PDE1C: variants seen among roughly 807,000 people sequenced by gnomAD.
PDE1C encodes phosphodiesterase 1C.
Under a neutral mutation model 93.1 loss-of-function variants are expected in PDE1C, and 62 were observed. The ratio of observed to expected loss-of-function variants is 0.67; its 90% confidence interval spans 0.54 to 0.82. The LOEUF (loss-of-function observed/expected upper bound fraction) is 0.82, where lower values mean the gene tolerates loss of function less well. PDE1C is among the 40% of genes least tolerant of loss of function. The probability of loss-of-function intolerance (pLI) is 0.00; values close to 1 mark genes in which losing one functional copy is unlikely to be tolerated. For synonymous variants in PDE1C, 325 were observed against 310.1 expected (o/e 1.05, Z -0.50); for missense variants, 742 against 884.6 (o/e 0.84, Z 2.04).
At chr7:31,936,188 T>C (rs1805037957) in intron 2 of PDE1C, among the ~76,000 whole-genome samples, 2 of 152,174 alleles carry the variant, frequency 1.3e-5, no homozygotes, top group Non-Finnish European at 2.9e-5. Context: ...CATGGCTATA[T>C]ACTCAACATT....
At chr7:31,767,899 A>G (rs2128618776) in intron 17 of PDE1C, among the ~76,000 whole-genome samples, 1 of 152,272 alleles carries the variant, frequency 6.6e-6, no homozygotes, top group East Asian at 1.9e-4. Context: ...TGAGGGCTCC[A>G]TCCTCATGAC....
intron 16 of PDE1C, among the ~76,000 whole-genome samples, chr7:31,794,117 C>A: frequency 7.1e-6 from 1 of 140,922 alleles, no homozygotes; most frequent in African/African-American, 2.7e-5. Flanking sequence ...GATGGGCAGG[C>A]GGGCAGGCAG....
At chr7:32,307,768 T>C (rs1048162529) in intron 1 of PDE1C, among the ~76,000 whole-genome samples, 1 of 152,124 alleles carries the variant, frequency 6.6e-6, no homozygotes, top group Non-Finnish European at 1.5e-5. Context: ...GATGGCCGAA[T>C]AGGAACAGCT....
chr7:32,382,998 C>T (rs1016569248), intron 1 of PDE1C, among the ~76,000 whole-genome samples: 6 of 152,332 alleles, frequency 3.9e-5, no homozygotes, highest in African/African-American at 1.4e-4. Context: ...CATACACACA[C>T]ACACATACAG....
chr7:32,362,232 G>C (rs903647239), intron 1 of PDE1C, among the ~76,000 whole-genome samples: 3 of 152,076 alleles, frequency 2.0e-5, no homozygotes, highest in African/African-American at 7.2e-5. Context: ...CATGGATGGA[G>C]TGTGTGTGTG....
intron 17 of PDE1C, 147 bp from the exon 18 acceptor site, chr7:31,753,700 T>G: frequency 8.2e-7 from 1 of 1,226,184 alleles, no homozygotes; most frequent in Non-Finnish European, 1.1e-6. Context: ...GGAAACCTTA[T>G]GGCAGATAGA....
intron 3 of PDE1C, among the ~76,000 whole-genome samples, chr7:32,147,272 A>AAAGAAAG (rs1800918985): frequency 1.0e-5 from 1 of 96,610 alleles, no homozygotes. Context: ...AAGAAAGAAA[A>AAAGAAAG]AAAGAAAGAA....
At chr7:31,923,954 G>C (rs1006584113) in intron 2 of PDE1C, among the ~76,000 whole-genome samples, 7 of 152,168 alleles carry the variant, frequency 4.6e-5, no homozygotes, top group African/African-American at 1.7e-4. Flanking sequence ...TTCCTAAGAT[G>C]AACTTTTTTT....
chr7:32,224,856 A>C (rs747291296), intron 1 of PDE1C, among the ~76,000 whole-genome samples: 1 of 152,072 alleles, frequency 6.6e-6, no homozygotes, highest in Non-Finnish European at 1.5e-5. Flanking sequence ...TTGCATGTTC[A>C]GCACCTTTGA....
intron 17 of PDE1C, among the ~76,000 whole-genome samples, chr7:31,768,581 G>A (rs572601350): frequency 1.3e-5 from 2 of 152,276 alleles, no homozygotes; most frequent in South Asian, 2.1e-4. Context: ...CCAAAGACAA[G>A]ATAGATCTTA....
rs1350428271 is a variant in PDE1C, at chr7:32,387,494, G to A, written c.310+40328C>T. 5.5e-5 allele frequency among the ~76,000 whole-genome samples: 8 copies of A among 145,284 alleles called. No individual in the cohort carries two copies. In the South Asian group the frequency reaches 1.1e-3, roughly 20 times the overall value. ...CACCTCCTGGATAGGGCGGCTGGCC[G>A]GGCGGGGGGCTGACCCCCCCACCTC... On this transcript the variant is annotated intron_variant, in intron 1 of 1. Transcript: ENST00000672256.
chr7:32,047,178 T>A (rs1033592133), intron 2 of PDE1C, among the ~76,000 whole-genome samples: 1 of 152,000 alleles, frequency 6.6e-6, no homozygotes, highest in African/African-American at 2.4e-5. Flanking sequence ...AAGTATTTGG[T>A]TATTTCTAAG....
chr7:31,652,500 C>T, the PDE1C span: 3 of 1,568,290 alleles, frequency 1.9e-6, no homozygotes, highest in Non-Finnish European at 8.7e-7. Flanking sequence ...ACTCTTTTTC[C>T]TCTTGTTTTC....
intron 15 of PDE1C, among the ~76,000 whole-genome samples, chr7:31,815,031 C>T (rs1434424527): frequency 1.3e-5 from 2 of 152,120 alleles, no homozygotes; most frequent in East Asian, 2.0e-4. Context: ...ATCTTGTTCT[C>T]TCCACTCAGA....
chr7:32,281,865 C>G (rs1018345060), intron 1 of PDE1C, among the ~76,000 whole-genome samples: 2 of 152,160 alleles, frequency 1.3e-5, no homozygotes, highest in Non-Finnish European at 1.5e-5. Context: ...AGTTCATGTC[C>G]TTTCTAGGAA....
intron 13 of PDE1C, among the ~76,000 whole-genome samples, chr7:31,823,602 G>T (rs1789280293): frequency 6.6e-6 from 1 of 151,982 alleles, no homozygotes; most frequent in African/African-American, 2.4e-5. Flanking sequence ...TAATTCCACA[G>T]TTCACCTACC....
chr7:31,879,701 A>G (rs1352978246), intron 3 of PDE1C, among the ~76,000 whole-genome samples: 1 of 152,248 alleles, frequency 6.6e-6, no homozygotes, highest in African/African-American at 2.4e-5. Flanking sequence ...AAATTTTCAA[A>G]ATAATGCAGT....
chr7:32,359,903 C>A (rs1784103234), intron 1 of PDE1C, among the ~76,000 whole-genome samples: 1 of 152,184 alleles, frequency 6.6e-6, no homozygotes, highest in South Asian at 2.1e-4. Context: ...GCCACCCCAT[C>A]CAGGAAGTCT....
intron 2 of PDE1C, among the ~76,000 whole-genome samples, chr7:32,036,175 A>G (rs1289942525): frequency 6.6e-6 from 1 of 152,188 alleles, no homozygotes; most frequent in East Asian, 1.9e-4. Context: ...TGAGAACCAC[A>G]TACGCAAGAA....
Sources: allele counts gnomAD v4.1 joint callset (sites outside exome capture counted in the v4.1 genomes callset), GRCh38; gene constraint gnomAD v4.1.1; transcripts MANE v1.5; gene names NCBI Gene and HGNC (gene_info 2026-07-23, HGNC 2026-07-21).